The following SCRT2 variants were observed in gnomAD, a reference collection of about 807,000 sequenced individuals.
SCRT2 encodes the protein scratch family transcriptional repressor 2, also known as transcriptional repressor scratch 2.
Under a neutral mutation model 3.7 loss-of-function variants are expected in SCRT2, and 2 were observed. The observed-to-expected ratio is 0.54, with a 90% CI of 0.22 to 1.70. SCRT2 has a LOEUF of 1.70. SCRT2 is among the 40% of genes most tolerant of loss of function. SCRT2 has a pLI of 0.19. For synonymous variants in SCRT2, 256 were observed against 220.6 expected (o/e 1.16, Z -1.42); for missense variants, 456 against 468.5 (o/e 0.97, Z 0.25).
intron 1 of SCRT2, among the ~76,000 whole-genome samples, chr20:673,662 CAG>C (rs1568658677): frequency 6.6e-6 from 1 of 152,194 alleles, no homozygotes; most frequent in African/African-American, 2.4e-5. Context: ...ACTATTCACT[CAG>C]GGGCTCCTTT....
At chr20:668,509 T>C (rs1186884975) in intron 1 of SCRT2, among the ~76,000 whole-genome samples, 4 of 152,162 alleles carry the variant, frequency 2.6e-5, no homozygotes, top group African/African-American at 9.7e-5. Flanking sequence ...AGATCTCTCA[T>C]CCTAGCCCTT....
rs976777868 is a variant in SCRT2, at chr20:665,185, G to A, written c.134-724C>T. On this transcript the variant is annotated intron_variant, in intron 1 of 1. Transcript: ENST00000246104. The surrounding 1 kb of genome is among the most constrained non-coding windows in gnomAD (Gnocchi z 5.0). Reference sequence around the variant, plus strand: ...TATAAATGTTAGCTATTATAATTATGCTTTTTACTTGCTTGGAGATAGTTT... The same window carrying A: ...TATAAATGTTAGCTATTATAATTATACTTTTTACTTGCTTGGAGATAGTTT... 9.9e-5 allele frequency among the ~76,000 whole-genome samples: 15 copies of A among 152,238 alleles called. No individual in the cohort carries two copies. Among genetic ancestry groups the A allele is most frequent in the African/African-American group, 2.9e-4 (12 of 41,458 alleles).
In SCRT2 at chr20:662,784, A is replaced by AG. The variant is rs2122337353; in HGVS notation, c.*886dup. The stretch of plus-strand genomic sequence containing the variant: ...GAAAGTGCTCAGAGAATCTGGGGGT[A>AG]GGGCAGCTCCAGACTGTGGAAGCCC... On this transcript the variant is annotated 3_prime_UTR_variant, in exon 2 of 2. Transcript: ENST00000246104. 6.5e-6 allele frequency: 1 copy of AG among 152,838 alleles called. No individual in the cohort carries two copies. Among genetic ancestry groups the AG allele is most frequent in the East Asian group, 1.9e-4 (1 of 5,182 alleles). 9.5% of individuals were successfully genotyped at this position (152,838 alleles called of 1,614,324 possible). A position where few individuals can be genotyped will look rare whatever the true frequency, so the allele number is the denominator to read the frequency against.
chr20:666,605 T>A lies in SCRT2; in HGVS notation c.134-2144A>T, dbSNP rs1187248909. ...TCCAGGGGTGGAGCAAGGATTGGAA[T>A]CCACTGCCCCCTTGGTTTCCCACAT... On this transcript the variant is annotated intron_variant, in intron 1 of 1. Coordinates refer to ENST00000246104, the MANE Select transcript of SCRT2 (RefSeq NM_033129.4). The surrounding 1 kb of genome is among the most constrained non-coding windows in gnomAD (Gnocchi z 4.4). 6.6e-6 allele frequency among the ~76,000 whole-genome samples: 1 copy of A among 152,150 alleles called. No individual in the cohort carries two copies. Among genetic ancestry groups the A allele is most frequent in the Admixed American group, 6.5e-5 (1 of 15,270 alleles).
chr20:672,175 A>G (rs1984353743), intron 1 of SCRT2, among the ~76,000 whole-genome samples: 2 of 152,266 alleles, frequency 1.3e-5, no homozygotes, highest in South Asian at 4.1e-4. Context: ...GAGGCATCTT[A>G]CTTGAGGGGA....
In SCRT2 at chr20:666,565, G is replaced by A. The variant is rs958716549; in HGVS notation, c.134-2104C>T. 6.6e-6 allele frequency among the ~76,000 whole-genome samples: 1 copy of A among 152,222 alleles called. No homozygotes were observed. The highest frequency in any genetic ancestry group is 1.5e-5 in the Non-Finnish European group (1 of 68,040). ...AGATAAGGAAACTGAGGGACAGTGTGGTGATGGCACTTGCTCCAGGGGTGG... is the reference window on the plus strand; with the variant it reads ...AGATAAGGAAACTGAGGGACAGTGTAGTGATGGCACTTGCTCCAGGGGTGG... On this transcript the variant is annotated intron_variant, in intron 1 of 1. Coordinates refer to ENST00000246104, the MANE Select transcript of SCRT2 (RefSeq NM_033129.4). This position sits in a 1 kb window ranked among gnomAD's most constrained non-coding sequence, Gnocchi z 4.4.
In SCRT2 at chr20:669,606, C is replaced by A. The variant is rs931491581; in HGVS notation, c.134-5145G>T. 7.2e-5 allele frequency among the ~76,000 whole-genome samples: 11 copies of A among 152,302 alleles called. No homozygotes were observed. In the South Asian group the frequency reaches 1.0e-3, roughly 14 times the overall value. On this transcript the variant is annotated intron_variant, in intron 1 of 1. Transcript: ENST00000246104. ...CTTTCCTGAGGAGGGCTGGGCCCTGCTGGGTGGTAGGGGCTGGAGGAGCTG... is the reference window on the plus strand; with the variant it reads ...CTTTCCTGAGGAGGGCTGGGCCCTGATGGGTGGTAGGGGCTGGAGGAGCTG...
rs952756850 is a variant in SCRT2, at chr20:664,037, G to C, written c.558C>G (p.Arg186=). The C allele has an allele frequency of 5.0e-6, 8 of 1,612,064 alleles. No individual in the cohort carries two copies. Among genetic ancestry groups the C allele is most frequent in the Non-Finnish European group, 6.8e-6 (8 of 1,179,632 alleles). The change falls in exon 2 of 2, where the codon CGC becomes CGG. Residue 186 remains arginine (R), a synonymous_variant. Coordinates refer to ENST00000246104, the MANE Select transcript of SCRT2 (RefSeq NM_033129.4). The surrounding 1 kb of genome is among the most constrained non-coding windows in gnomAD (Gnocchi z 7.9). ...THRSLDSQLA[R]KCPTCGKAYV... is the part of the protein sequence containing the mutation. ...AGGCCTTGCCGCACGTCGGGCATTT[G>C]CGCGCCAGCTGGCTGTCCAGGCTGC...
At position 672,388 on chromosome 20, in the gene SCRT2, C is replaced by CGTGTGT. The variant is rs6147265; in HGVS notation, c.133+3075_133+3080dup. ...TAGGAAGGCAAAGAAGAGCATTGCTCGTGTGTGTGTGTGTGTGTGTGTGTG... is the reference window on the plus strand; with the variant it reads ...TAGGAAGGCAAAGAAGAGCATTGCTCGTGTGTGTGTGTGTGTGTGTGTGTGTGTGTG... On this transcript the variant is annotated intron_variant, in intron 1 of 1. Transcript: ENST00000246104. Among the ~76,000 whole-genome samples the CGTGTGT allele has an allele frequency of 3.9e-4, 57 of 147,286 alleles. 1 individual carries two copies. The highest frequency in any genetic ancestry group is 1.8e-3 in the South Asian group (8 of 4,538).
Position 675,118 on chromosome 20 carries a change from A to G in SCRT2, c.133+351T>C, listed in dbSNP as rs1258047354. 6.6e-6 allele frequency among the ~76,000 whole-genome samples: 1 copy of G among 151,860 alleles called. No homozygotes were observed. Among genetic ancestry groups the G allele is most frequent in the Non-Finnish European group, 1.5e-5 (1 of 67,928 alleles). On this transcript the variant is annotated intron_variant, in intron 1 of 1. Coordinates refer to ENST00000246104, the MANE Select transcript of SCRT2 (RefSeq NM_033129.4). The surrounding 1 kb of genome is among the most constrained non-coding windows in gnomAD (Gnocchi z 6.9). The stretch of plus-strand genomic sequence containing the variant: ...TCTCTTCCTCAACGGGGGAGAGGGA[A>G]CCCTCAAAGTGCCTTGTGCCTCAGT...
chr20:675,734 T>G lies in SCRT2; in HGVS notation c.-133A>C. 719 of 368,092 alleles carry G rather than the reference T, an allele frequency of 2.0e-3. No individual in the cohort carries two copies. Among genetic ancestry groups the G allele is most frequent in the Middle Eastern group, 3.1e-3 (3 of 956 alleles). The allele number at this position is 368,092 out of a possible 1,614,324, so 22.8% of individuals were successfully genotyped here. A position where few individuals can be genotyped will look rare whatever the true frequency, so the allele number is the denominator to read the frequency against. On this transcript the variant is annotated 5_prime_UTR_variant, in exon 1 of 2. Transcript: ENST00000246104. This position sits in a 1 kb window ranked among gnomAD's most constrained non-coding sequence, Gnocchi z 6.9. ...GGAGGCCGCTCGGAGCCGGCACCGG[T>G]GGCGGCGGCCCCGGCTCGGGCTCGG...
intron 1 of SCRT2, among the ~76,000 whole-genome samples, chr20:669,951 C>T (rs1396217352): frequency 2.0e-5 from 3 of 152,166 alleles, no homozygotes; most frequent in Non-Finnish European, 4.4e-5. Context: ...AGGTCTGGCC[C>T]AACATGACCA....
In SCRT2 at chr20:663,922, A is replaced by G; in HGVS notation, c.673T>C (p.Trp225Arg). 3 of 1,608,086 alleles carry G rather than the reference A, an allele frequency of 1.9e-6. No individual in the cohort carries two copies. The highest frequency in any genetic ancestry group is 2.5e-6 in the Non-Finnish European group (3 of 1,179,254). ...GVCGKAFSRPWLLQGHMRSHT... is the reference protein window; with the variant it reads ...GVCGKAFSRPRLLQGHMRSHT... Reference sequence around the variant, plus strand: ...GAGCGCATGTGACCCTGCAGCAGCCAGGGCCGCGAGAAGGCCTTGCCGCAG... The same window carrying G: ...GAGCGCATGTGACCCTGCAGCAGCCGGGGCCGCGAGAAGGCCTTGCCGCAG... Residue 225 changes from tryptophan to arginine, a missense_variant, in exon 2 of 2, where the codon TGG (tryptophan) becomes CGG (arginine). This residue lies in a region of SCRT2 where 144 missense variants were observed against 141.9 expected (regional missense o/e 1.01). Transcript: ENST00000246104. This position sits in a 1 kb window ranked among gnomAD's most constrained non-coding sequence, Gnocchi z 6.9.
chr20:675,567 C>T lies in SCRT2; in HGVS notation c.35G>A (p.Gly12Glu), dbSNP rs1013475656. The T allele has an allele frequency of 1.5e-6, 2 of 1,360,578 alleles. No individual in the cohort carries two copies. The highest frequency in any genetic ancestry group is 3.4e-5 in the Admixed American group (1 of 29,646). 84.3% of individuals were successfully genotyped at this position (1,360,578 alleles called of 1,614,324 possible). A position where few individuals can be genotyped will look rare whatever the true frequency, so the allele number is the denominator to read the frequency against. The change falls in exon 1 of 2, where the codon GGG (glycine) becomes GAG (glutamate). Residue 12 changes from glycine to glutamate, a missense_variant. Gly to Glu is a moderately conservative substitution (Grantham distance 98). Transcript: ENST00000246104. This position sits in a 1 kb window ranked among gnomAD's most constrained non-coding sequence, Gnocchi z 6.9. ...CACCCCGCTGCACTGGAAGCCGTCC[C>T]CTTTGATCTTCTTTACCAGGAAGGA... Reference protein sequence around the residue: ...PRSFLVKKIKGDGFQCSGVPA... With the variant: ...PRSFLVKKIKEDGFQCSGVPA...
chr20:662,685 G>A lies in SCRT2; in HGVS notation c.*986C>T, dbSNP rs1036180727. On this transcript the variant is annotated 3_prime_UTR_variant, in exon 2 of 2. Transcript: ENST00000246104. Reference sequence around the variant, plus strand: ...ACTGGAAGGACCCAGCCGGATGGGGGAAGGGCATTGGCGAGGTGCTCCAGA... The same window carrying A: ...ACTGGAAGGACCCAGCCGGATGGGGAAAGGGCATTGGCGAGGTGCTCCAGA... 2.0e-5 allele frequency: 3 copies of A among 152,706 alleles called. No individual in the cohort carries two copies. The highest frequency in any genetic ancestry group is 4.8e-5 in the African/African-American group (2 of 41,448). 9.5% of individuals were successfully genotyped at this position (152,706 alleles called of 1,614,324 possible).
At position 662,273 on chromosome 20, in the gene SCRT2, TC is replaced by T. The variant is rs1983978839; in HGVS notation, c.*1397del. 1 of 152,660 alleles carries T rather than the reference TC, an allele frequency of 6.6e-6. No individual in the cohort carries two copies. The allele number at this position is 152,660 out of a possible 1,614,324, so 9.5% of individuals were successfully genotyped here. A position where few individuals can be genotyped will look rare whatever the true frequency, so the allele number is the denominator to read the frequency against. On this transcript the variant is annotated 3_prime_UTR_variant, in exon 2 of 2. Coordinates refer to ENST00000246104, the MANE Select transcript of SCRT2 (RefSeq NM_033129.4). ...GTCGGTCCCTGGAACCTGGGGTCCC[TC>T]GGGAAGAAGAATAAACAGGAAACAA...
rs569925134 is a variant in SCRT2, at chr20:662,748, T to C, written c.*923A>G. The C allele has an allele frequency of 2.8e-3, 431 of 152,598 alleles. No homozygotes were observed. The highest frequency in any genetic ancestry group is 4.5e-3 in the Non-Finnish European group (308 of 68,036). The allele number at this position is 152,598 out of a possible 1,614,324, so 9.5% of individuals were successfully genotyped here. On this transcript the variant is annotated 3_prime_UTR_variant, in exon 2 of 2. Transcript: ENST00000246104. The stretch of plus-strand genomic sequence containing the variant: ...AAGTAAGGAAGGGGATCTGTGGCCC[T>C]GGGGATGGGGGAAAGTGCTCAGAGA...
At position 663,299 on chromosome 20, in the gene SCRT2, G is replaced by A. The variant is rs1000191534; in HGVS notation, c.*372C>T. ...ATGGTCAGAGAGATTCAGCTGAGAA[G>A]CGAGAGAAAAGATCTAGAAGTTAGA... On this transcript the variant is annotated 3_prime_UTR_variant, in exon 2 of 2. Coordinates refer to ENST00000246104, the MANE Select transcript of SCRT2 (RefSeq NM_033129.4). This position sits in a 1 kb window ranked among gnomAD's most constrained non-coding sequence, Gnocchi z 6.9. 1.7e-5 allele frequency: 4 copies of A among 229,664 alleles called. No homozygotes were observed. Among genetic ancestry groups the A allele is most frequent in the East Asian group, 8.8e-5 (1 of 11,326 alleles). 14.2% of individuals were successfully genotyped at this position (229,664 alleles called of 1,614,324 possible).
At position 664,387 on chromosome 20, in the gene SCRT2, C is replaced by G. The variant is rs754567442; in HGVS notation, c.208G>C (p.Glu70Gln). Residue 70 changes from glutamate (E) to glutamine (Q), a missense_variant, in exon 2 of 2, where the codon GAG (glutamate) becomes CAG (glutamine). Glu to Gln is a conservative substitution (Grantham distance 29). This residue lies in a region of SCRT2 where 306 missense variants were observed against 305.3 expected (regional missense o/e 1.00). Transcript: ENST00000246104. This position sits in a 1 kb window ranked among gnomAD's most constrained non-coding sequence, Gnocchi z 7.9. ...GGCGCCGCCGGCGGGTACGCGGGCT[C>G]GGCCGGGGCCAGCTCCAGGCCCGGC... ...QKPGLELAPAEPAYPPAAPEE... is the reference protein window; with the variant it reads ...QKPGLELAPAQPAYPPAAPEE... 1 of 1,410,378 alleles carries G rather than the reference C, an allele frequency of 7.1e-7. No individual in the cohort carries two copies. Among genetic ancestry groups the G allele is most frequent in the Admixed American group, 2.3e-5 (1 of 43,364 alleles). 87.4% of individuals were successfully genotyped at this position (1,410,378 alleles called of 1,614,324 possible).
Sources: allele counts gnomAD v4.1 joint callset (sites outside exome capture counted in the v4.1 genomes callset), GRCh38; gene constraint gnomAD v4.1.1; regional missense constraint gnomAD v4.1.1; non-coding constraint Gnocchi (gnomAD v3.1); transcripts MANE v1.5; gene names NCBI Gene and HGNC (gene_info 2026-07-23, HGNC 2026-07-21).